Variants in PDE4DIP observed in about 807,000 individuals in gnomAD.
The protein encoded by PDE4DIP is myomegalin.
A neutral mutation model predicts 221.4 loss-of-function variants in PDE4DIP; 59 were observed. The ratio of observed to expected loss-of-function variants is 0.27; its 90% CI spans 0.22 to 0.33. The LOEUF (loss-of-function observed/expected upper bound fraction) is 0.33, where lower values mean the gene tolerates loss of function less well. Among genes scored for constraint, PDE4DIP ranks in the 10% least tolerant of loss-of-function variants. The probability of loss-of-function intolerance (pLI) is 1.00; values close to 1 mark genes in which losing one functional copy is unlikely to be tolerated. For synonymous variants in PDE4DIP, 404 were observed against 815.9 expected (o/e 0.50, Z 8.60); for missense variants, 1,036 against 2,154.2 (o/e 0.48, Z 10.28).
chr1:149,024,340 T>C, intron 37 of PDE4DIP, 105 bp from the exon 41 acceptor site: 6 of 796,992 alleles, frequency 7.5e-6, no homozygotes. Flanking sequence ...TGCATGAGAC[T>C]CAGATGATAG....
chr1:148,978,373 A>G (rs1553539559), exon 19 of PDE4DIP: 27 of 1,611,752 alleles, frequency 1.7e-5, no homozygotes, highest in Non-Finnish European at 2.2e-5. Context: ...TTGCTTCAGT[A>G]GAATCCCAGG....
chr1:148,934,417 T>C (rs1463449172), intron 4 of PDE4DIP, among the ~76,000 whole-genome samples: 5 of 152,052 alleles, frequency 3.3e-5, no homozygotes, highest in African/African-American at 4.8e-5. Flanking sequence ...TTGAACAATT[T>C]TGGAGAGTAG....
intron 1 of PDE4DIP, among the ~76,000 whole-genome samples, chr1:148,821,458 CAAAT>C (rs1558450534): frequency 6.6e-6 from 1 of 150,514 alleles, no homozygotes; most frequent in Non-Finnish European, 1.5e-5. Context: ...AGACAGAAAA[CAAAT>C]AAATAAATAT....
At chr1:149,030,415 A>G in intron 43 of PDE4DIP, 137 bp downstream of exon 46, 6 of 1,501,428 alleles carry the variant, frequency 4.0e-6, no homozygotes, top group Non-Finnish European at 5.3e-6. Context: ...GCAAGATCAC[A>G]GGTCCTCAGT....
chr1:148,956,235 G>A (rs1553502226), intron 5 of PDE4DIP, among the ~76,000 whole-genome samples: 1 of 151,802 alleles, frequency 6.6e-6, no homozygotes, highest in African/African-American at 2.4e-5. Context: ...CCACAAATAT[G>A]GAGAAAACCT....
intron 1 of PDE4DIP, among the ~76,000 whole-genome samples, chr1:148,908,432 AG>A (rs1282796070): frequency 1.2e-5 from 1 of 85,710 alleles, no homozygotes; most frequent in Non-Finnish European, 2.1e-5. Flanking sequence ...TGATGACAAC[AG>A]GGTTGTCAAC....
intron 5 of PDE4DIP, chr1:148,953,134 C>T (rs587725057): frequency 5.6e-6 from 9 of 1,614,052 alleles, no homozygotes; most frequent in South Asian, 5.5e-5. Flanking sequence ...TTGACATGTC[C>T]GTCTTACCCG....
At chr1:148,948,504 A>C (rs1338500186) in intron 5 of PDE4DIP, among the ~76,000 whole-genome samples, 1 of 148,950 alleles carries the variant, frequency 6.7e-6, no homozygotes, top group Non-Finnish European at 1.5e-5. Flanking sequence ...GGATAGGCTT[A>C]AGTTTTTAAT....
chr1:148,937,599 T>G, intron 4 of PDE4DIP, 148 bp from the exon 8 acceptor site: 1 of 564,704 alleles, frequency 1.8e-6, no homozygotes, highest in South Asian at 2.3e-5. Flanking sequence ...ATACATGGTT[T>G]TCTAAACAAA....
rs1375908769 is a variant in PDE4DIP, at chr1:148,975,209, T to G, written c.2319+604T>G. 2.7e-5 allele frequency among the ~76,000 whole-genome samples: 4 copies of G among 147,868 alleles called. 1 individual carries two copies. In the East Asian group the frequency reaches 1.0e-3, roughly 38 times the overall value. The stretch of plus-strand genomic sequence containing the variant: ...AATAATAATAATAATTGTAAAGCAC[T>G]GGTGAAAAAAGGAAGCGCTGTGTGA... On this transcript the variant is annotated intron_variant, in intron 17 of 43. Transcript: ENST00000369354.
intron 33 of PDE4DIP, chr1:149,017,510 G>A: frequency 2.3e-6 from 1 of 426,064 alleles, no homozygotes; most frequent in Non-Finnish European, 4.3e-6. Flanking sequence ...CAAGACCCCT[G>A]TGTGGGAGGA....
At chr1:149,015,342 T>A (rs1698601) in intron 32 of PDE4DIP, among the ~76,000 whole-genome samples, 6,460 of 148,870 alleles carry the variant, frequency 0.043, 457 homozygotes, top group East Asian at 0.4. Context: ...GCAAGTGGCA[T>A]TTACACTAAC....
intron 14 of PDE4DIP, among the ~76,000 whole-genome samples, chr1:148,971,507 G>A (rs1250829116): frequency 1.3e-5 from 2 of 152,106 alleles, no homozygotes; most frequent in African/African-American, 4.8e-5. Context: ...ACAGCATGAT[G>A]TGTTGATATA....
chr1:148,998,216 C>T (rs782531503), exon 23 of PDE4DIP: 125 of 1,528,800 alleles, frequency 8.2e-5, no homozygotes, highest in East Asian at 5.6e-4. Flanking sequence ...CCTCCTTCTC[C>T]GATGGGAGGG....
intron 21 of PDE4DIP, chr1:148,984,800 C>A (rs2061638806): frequency 6.6e-6 from 1 of 152,004 alleles, no homozygotes; most frequent in Non-Finnish European, 1.5e-5. Flanking sequence ...AACAATAATA[C>A]CTTTGCTTTT....
chr1:148,987,924 GA>G, intron 21 of PDE4DIP, among the ~76,000 whole-genome samples: 1 of 152,238 alleles, frequency 6.6e-6, no homozygotes, highest in East Asian at 1.9e-4. Context: ...AACAAAAAAA[GA>G]GGTCATGAAG....
At chr1:149,017,831 C>G in exon 34 of PDE4DIP, 1 of 1,613,646 alleles carries the variant, frequency 6.2e-7, no homozygotes, top group Non-Finnish European at 8.5e-7. Flanking sequence ...CAATGACCGC[C>G]TACGGGAGCA....
intron 1 of PDE4DIP, among the ~76,000 whole-genome samples, chr1:148,840,332 A>ATT (rs11451563): frequency 1.3e-5 from 1 of 79,380 alleles, no homozygotes; most frequent in Non-Finnish European, 3.2e-5. Flanking sequence ...CTTTTTATTT[A>ATT]TTTTTTTTTT....
exon 18 of PDE4DIP, chr1:148,978,010 A>C: frequency 6.2e-7 from 1 of 1,614,114 alleles, no homozygotes; most frequent in Non-Finnish European, 8.5e-7. Flanking sequence ...GCTGATATGG[A>C]GTCTCTGACC....
Sources: allele counts gnomAD v4.1 joint callset (sites outside exome capture counted in the v4.1 genomes callset), GRCh38; gene constraint gnomAD v4.1.1; transcripts MANE v1.5; gene names NCBI Gene and HGNC (gene_info 2026-07-23, HGNC 2026-07-21).